BCCIP: variants seen among roughly 807,000 people sequenced by gnomAD.
BCCIP encodes BRCA2 and CDKN1A-interacting protein.
A neutral mutation model predicts 32.8 loss-of-function variants in BCCIP; 23 were observed. The observed-to-expected ratio is 0.70, with a 90% CI of 0.51 to 0.99. BCCIP has a LOEUF of 0.99. Ranked by LOEUF, BCCIP falls within the 50% of genes least tolerant of loss-of-function variation. BCCIP has a pLI of 0.00. For synonymous variants in BCCIP, 144 were observed against 137.6 expected, an observed-to-expected ratio of 1.05 and a Z score of -0.33; for missense variants, 378 against 379.8, an observed-to-expected ratio of 1.00 and a Z score of 0.04.
chr10:125,835,536 G>A (rs572958159), intron 6 of BCCIP, among the ~76,000 whole-genome samples: 41 of 150,252 alleles, frequency 2.7e-4, no homozygotes, highest in African/African-American at 6.6e-4. Context: ...CCGAGATCAC[G>A]CCACTGCACT....
downstream of BCCIP, among the ~76,000 whole-genome samples, chr10:125,837,492 A>G (rs1296427205): frequency 1.3e-5 from 2 of 152,114 alleles, no homozygotes; most frequent in Non-Finnish European, 2.9e-5. Context: ...CGGTGGTGTG[A>G]CAGTACCTCA....
At chr10:125,823,874 C>A in intron 1 of BCCIP, 152 bp downstream of exon 1, 1 of 1,133,680 alleles carries the variant, frequency 8.8e-7, no homozygotes, top group Non-Finnish European at 1.3e-6. Flanking sequence ...TCTCCTCGGT[C>A]TTTAACACAC....
At chr10:125,841,166 A>T, downstream of BCCIP, 2 of 1,389,176 alleles carry the variant, frequency 1.4e-6, no homozygotes, top group Non-Finnish European at 1.0e-6. Flanking sequence ...AGAGTGAGTC[A>T]TCCTAATTCT....
chr10:125,836,086 G>GT lies in BCCIP; in HGVS notation c.775-16dup, dbSNP rs1171247201. On this transcript the variant is annotated splice_polypyrimidine_tract_variant and intron_variant, in intron 6 of 6. Coordinates refer to ENST00000278100, the MANE Select transcript of BCCIP (RefSeq NM_078468.3). ...GGGTTGTCCCGATTTTTAATTCATG[G>GT]TTACTTATTTGGTTTAGAAGGCAAT... 3.8e-6 allele frequency: 6 copies of GT among 1,594,088 alleles called. No homozygotes were observed. Among genetic ancestry groups the GT allele is most frequent in the Non-Finnish European group, 5.2e-6 (6 of 1,164,178 alleles).
chr10:125,825,342 CAAAG>C (rs1419138713), intron 1 of BCCIP, among the ~76,000 whole-genome samples: 1 of 151,738 alleles, frequency 6.6e-6, no homozygotes. Flanking sequence ...TCTGTCTAGA[CAAAG>C]AAAAAAACAC....
At chr10:125,841,873 A>G in exon 7 of BCCIP, 1 of 1,613,620 alleles carries the variant, frequency 6.2e-7, no homozygotes, top group Non-Finnish European at 8.5e-7. Context: ...AAAGATTTCC[A>G]TCATTATCCA....
chr10:125,835,057 C>T (rs549010435), intron 6 of BCCIP, among the ~76,000 whole-genome samples: 87 of 149,470 alleles, frequency 5.8e-4, no homozygotes, highest in African/African-American at 1.9e-3. Context: ...GGCATAAACC[C>T]GGGAGGCGGA....
At chr10:125,840,855 C>T (rs1310880630), downstream of BCCIP, 7 of 1,590,562 alleles carry the variant, frequency 4.4e-6, no homozygotes, top group Admixed American at 6.9e-5. Context: ...ACACTCACTG[C>T]TAGAATTCAG....
chr10:125,844,631 G>T (rs1280294620), downstream of BCCIP, among the ~76,000 whole-genome samples: 1 of 152,228 alleles, frequency 6.6e-6, no homozygotes, highest in Non-Finnish European at 1.5e-5. Flanking sequence ...TATCTCCCCA[G>T]TGTGGCCCAT....
downstream of BCCIP, among the ~76,000 whole-genome samples, chr10:125,840,225 C>T (rs571758378): frequency 6.6e-6 from 1 of 152,324 alleles, no homozygotes; most frequent in Non-Finnish European, 1.5e-5. Flanking sequence ...ATAGCAGCTT[C>T]CAGTTGACTT....
At chr10:125,839,100 A>G, downstream of BCCIP, 2 of 1,614,228 alleles carry the variant, frequency 1.2e-6, no homozygotes, top group Non-Finnish European at 1.7e-6. Context: ...TTCGCTTGAT[A>G]ATTTCTAAGA....
At chr10:125,840,708 G>A (rs1299763912), downstream of BCCIP, 8 of 933,732 alleles carry the variant, frequency 8.6e-6, no homozygotes, top group Middle Eastern at 3.4e-4. Flanking sequence ...CTGTGGGTGC[G>A]TTTAGGGCCT....
chr10:125,836,529 T>G lies in BCCIP; in HGVS notation c.*255T>G, dbSNP rs1432419524. ...GTAATTTAAAGAACTCAATAAAAACTTCTATTTTTTATTTTAAAATAATAT... is the reference window on the plus strand; with the variant it reads ...GTAATTTAAAGAACTCAATAAAAACGTCTATTTTTTATTTTAAAATAATAT... On this transcript the variant is annotated 3_prime_UTR_variant, in exon 7 of 7. Coordinates refer to ENST00000278100, the MANE Select transcript of BCCIP (RefSeq NM_078468.3). 63 of 1,338,484 alleles carry G rather than the reference T, an allele frequency of 4.7e-5. No individual in the cohort carries two copies. The highest frequency in any genetic ancestry group is 6.0e-5 in the Non-Finnish European group (61 of 1,023,152). 82.9% of individuals were successfully genotyped at this position (1,338,484 alleles called of 1,614,324 possible).
chr10:125,853,165 G>A (rs1011431387), exon 8 of BCCIP: 1 of 1,612,776 alleles, frequency 6.2e-7, no homozygotes, highest in Non-Finnish European at 8.5e-7. Context: ...TTTCTCTGAA[G>A]GCTGGACTAA....
At chr10:125,852,151 G>T in intron 7 of BCCIP, 2 of 1,011,018 alleles carry the variant, frequency 2.0e-6, no homozygotes, top group Non-Finnish European at 2.8e-6. Flanking sequence ...TTTACCTCTA[G>T]CAGGAAAATG....
chr10:125,838,810 G>A (rs2134022091), downstream of BCCIP, among the ~76,000 whole-genome samples: 1 of 152,322 alleles, frequency 6.6e-6, no homozygotes, highest in Admixed American at 6.5e-5. Context: ...TCTCCATTAA[G>A]ACTACATATT....
chr10:125,842,278 T>A, exon 7 of BCCIP: 1 of 242,536 alleles, frequency 4.1e-6, no homozygotes, highest in Non-Finnish European at 7.9e-6. Flanking sequence ...GTCACAGTAC[T>A]GGAGAGAGAC....
intron 5 of BCCIP, among the ~76,000 whole-genome samples, chr10:125,832,095 G>A (rs1021609619): frequency 6.6e-6 from 1 of 152,140 alleles, no homozygotes; most frequent in Non-Finnish European, 1.5e-5. Context: ...TATTTCAAAT[G>A]TAGCTGTGAA....
chr10:125,828,783 C>T (rs751660768), intron 3 of BCCIP, among the ~76,000 whole-genome samples: 3 of 152,162 alleles, frequency 2.0e-5, no homozygotes, highest in Non-Finnish European at 4.4e-5. Context: ...TCAGTGGGCA[C>T]AACTCATCTG....
Sources: gnomAD v4.1 joint callset for allele counts (sites outside exome capture counted in the v4.1 genomes callset) on GRCh38, gnomAD v4.1.1 for gene constraint, MANE v1.5 for transcripts, NCBI Gene and HGNC (gene_info 2026-07-23, HGNC 2026-07-21) for gene names.